Variants in SRGAP3 observed in about 807,000 individuals in gnomAD.
SRGAP3 encodes SLIT-ROBO Rho GTPase activating protein 3, also known as SLIT-ROBO Rho GTPase-activating protein 3.
In SRGAP3, 39 loss-of-function variants were observed where a neutral mutation model predicts 121.1. The observed-to-expected ratio is 0.32, with a 90% CI of 0.25 to 0.42. The LOEUF (loss-of-function observed/expected upper bound fraction) is 0.42. SRGAP3 is among the 10% of genes least tolerant of loss of function. SRGAP3 has a pLI of 1.00. For missense variants in SRGAP3, 1,213 were observed against 1,470.6 expected (o/e 0.82, Z 2.86); for synonymous variants, 601 against 570.0 (o/e 1.05, Z -0.77).
chr3:9,332,707 T>C (rs569664196), intron 1 of SRGAP3, among the ~76,000 whole-genome samples: 2 of 152,300 alleles, frequency 1.3e-5, no homozygotes, highest in Admixed American at 6.5e-5. Context: ...AAAAACACAT[T>C]AGGATTTTCT....
chr3:9,343,246 G>T (rs941934115), intron 1 of SRGAP3, among the ~76,000 whole-genome samples: 38 of 152,218 alleles, frequency 2.5e-4, no homozygotes, highest in Admixed American at 6.5e-5. Context: ...GGATATGGAA[G>T]AATCATGCTG....
chr3:9,348,534 G>C, intron 1 of SRGAP3: 2 of 760,714 alleles, frequency 2.6e-6, no homozygotes, highest in South Asian at 1.3e-5. Context: ...ACCGACCTGA[G>C]CCCAGCGGGC....
At chr3:9,068,904 T>C (rs1236093915) in intron 4 of SRGAP3, among the ~76,000 whole-genome samples, 1 of 152,190 alleles carries the variant, frequency 6.6e-6, no homozygotes, top group African/African-American at 2.4e-5. Context: ...TATTGAGCAC[T>C]TACTACTTGC....
At chr3:9,114,030 C>T (rs570847983) in intron 2 of SRGAP3, among the ~76,000 whole-genome samples, 28 of 152,288 alleles carry the variant, frequency 1.8e-4, no homozygotes, top group African/African-American at 5.8e-4. Flanking sequence ...TTTGGCAGCC[C>T]GGAGACAGAG....
chr3:9,128,375 ATAAG>A (rs766504446), intron 1 of SRGAP3, among the ~76,000 whole-genome samples: 1 of 152,274 alleles, frequency 6.6e-6, no homozygotes, highest in African/African-American at 2.4e-5. Flanking sequence ...TTCAGCTTAC[ATAAG>A]TAGAGTTTTA....
At chr3:9,334,883 C>G (rs976544109) in intron 1 of SRGAP3, among the ~76,000 whole-genome samples, 4 of 152,142 alleles carry the variant, frequency 2.6e-5, no homozygotes, top group Admixed American at 2.6e-4. Flanking sequence ...TACCAGCTGA[C>G]CATGCAAGGT....
chr3:9,222,272 G>A (rs1408120093), intron 1 of SRGAP3, among the ~76,000 whole-genome samples: 1 of 152,236 alleles, frequency 6.6e-6, no homozygotes, highest in African/African-American at 2.4e-5. Flanking sequence ...AGAAATGACT[G>A]GCTTCCTGAG....
In SRGAP3 at chr3:8,981,974, A is replaced by T. The variant is rs1162327694; in HGVS notation, c.*3545T>A. The stretch of plus-strand genomic sequence containing the variant: ...AGAAATCGTTAGCACTGAAACAAGG[A>T]AAGGCAAGAATTTTTCATAGAATCC... On this transcript the variant is annotated 3_prime_UTR_variant, in exon 22 of 22. Transcript: ENST00000383836. The T allele has an allele frequency of 4.4e-6, 1 of 225,644 alleles. No individual in the cohort carries two copies. Among genetic ancestry groups the T allele is most frequent in the Non-Finnish European group, 8.8e-6 (1 of 113,310 alleles). The allele number at this position is 225,644 out of a possible 1,614,324, so 14.0% of individuals were successfully genotyped here.
intron 1 of SRGAP3, among the ~76,000 whole-genome samples, chr3:9,200,203 TG>T (rs1952029969): frequency 6.6e-6 from 1 of 152,240 alleles, no homozygotes; most frequent in Admixed American, 6.5e-5. Flanking sequence ...GTCCTTTATA[TG>T]TCACCAATAT....
At chr3:9,023,597 T>C (rs1944034273) in intron 14 of SRGAP3, among the ~76,000 whole-genome samples, 2 of 152,204 alleles carry the variant, frequency 1.3e-5, no homozygotes, top group Admixed American at 1.3e-4. Flanking sequence ...ATGCCTACTC[T>C]ATCATTGCAC....
chr3:9,340,635 T>C lies in SRGAP3; in HGVS notation n.215-10039A>G, dbSNP rs373530506. Among the ~76,000 whole-genome samples, 13 of 152,126 alleles carry C rather than the reference T, an allele frequency of 8.5e-5. No individual in the cohort carries two copies. The East Asian group carries it at 1.7e-3, about 20-fold the overall frequency. On this transcript the variant is annotated intron_variant and non_coding_transcript_variant, in intron 1 of 3. Coordinates refer to the SRGAP3 transcript ENST00000490889. ...CCTGAGTCATCCCAGAAGTCCATCA[T>C]ATGCTCTGGGAAAACCAACATCCAG...
chr3:9,144,716 C>A (rs966425384), intron 1 of SRGAP3, among the ~76,000 whole-genome samples: 1 of 152,206 alleles, frequency 6.6e-6, no homozygotes, highest in South Asian at 2.1e-4. Flanking sequence ...GCCTCCCCAG[C>A]CATGTGGAAC....
intron 1 of SRGAP3, among the ~76,000 whole-genome samples, chr3:9,336,937 G>T (rs1955702968): frequency 6.6e-6 from 1 of 151,802 alleles, no homozygotes; most frequent in African/African-American, 2.4e-5. Context: ...TCACTATGTT[G>T]CCTAGGCTGG....
intron 17 of SRGAP3, among the ~76,000 whole-genome samples, chr3:9,010,655 T>C (rs1943320528): frequency 6.6e-6 from 1 of 152,200 alleles, no homozygotes; most frequent in Admixed American, 6.5e-5. Flanking sequence ...TGGTGAAGTC[T>C]GTCAATGCTT....
rs755051943 is a variant in SRGAP3, at chr3:8,982,170, T to C, written c.*3349A>G. On this transcript the variant is annotated 3_prime_UTR_variant, in exon 22 of 22. Transcript: ENST00000383836. ...TTAATTGTCTTTGGTCAGTTTTAAA[T>C]GAACAACTTGCTGGTTCATTCCTAG... The C allele has an allele frequency of 4.4e-6, 1 of 226,114 alleles. No homozygotes were observed. Among genetic ancestry groups the C allele is most frequent in the Non-Finnish European group, 8.8e-6 (1 of 113,406 alleles). 14.0% of individuals were successfully genotyped at this position (226,114 alleles called of 1,614,324 possible). A position where few individuals can be genotyped will look rare whatever the true frequency, so the allele number is the denominator to read the frequency against.
chr3:9,063,576 C>T (rs1003521093), intron 5 of SRGAP3, among the ~76,000 whole-genome samples: 2 of 151,948 alleles, frequency 1.3e-5, no homozygotes, highest in African/African-American at 2.4e-5. Flanking sequence ...TGGGCTCAAA[C>T]GATCCTCCCG....
At chr3:9,108,055 G>T (rs1478987874) in intron 2 of SRGAP3, among the ~76,000 whole-genome samples, 1 of 152,178 alleles carries the variant, frequency 6.6e-6, no homozygotes, top group African/African-American at 2.4e-5. Context: ...TTCTGAGTGT[G>T]TTAGTGGAGG....
Position 9,025,159 on chromosome 3 carries a change from C to G in SRGAP3, c.1678+102G>C, listed in dbSNP as rs1161387583. ...ATGTGCACAATCAGCTCCTGCAAACCACTGCAGGCTGGCTTCTGCACACCA... is the reference window on the plus strand; with the variant it reads ...ATGTGCACAATCAGCTCCTGCAAACGACTGCAGGCTGGCTTCTGCACACCA... On this transcript the variant is annotated intron_variant, in intron 14 of 21. Transcript: ENST00000383836. 7 of 1,212,646 alleles carry G rather than the reference C, an allele frequency of 5.8e-6. No individual in the cohort carries two copies. The African/African-American group carries it at 1.0e-4, about 18-fold the overall frequency. 75.1% of individuals were successfully genotyped at this position (1,212,646 alleles called of 1,614,324 possible). A position where few individuals can be genotyped will look rare whatever the true frequency, so the allele number is the denominator to read the frequency against.
intron 12 of SRGAP3, chr3:9,028,065 G>C: frequency 6.2e-7 from 1 of 1,613,566 alleles, no homozygotes; most frequent in Non-Finnish European, 8.5e-7. Flanking sequence ...TTTCCATCAC[G>C]GTGAATGGGG....
Sources: allele counts gnomAD v4.1 joint callset (sites outside exome capture counted in the v4.1 genomes callset), GRCh38; gene constraint gnomAD v4.1.1; transcripts MANE v1.5; gene names NCBI Gene and HGNC (gene_info 2026-07-23, HGNC 2026-07-21).